The following PRRC2B variants were observed in gnomAD, a reference collection of about 807,000 sequenced individuals.
PRRC2B encodes the protein proline rich coiled-coil 2B.
In PRRC2B, 68 loss-of-function variants were observed where a neutral mutation model predicts 242.3. The ratio of observed to expected loss-of-function variants is 0.28; its 90% CI spans 0.23 to 0.34. The LOEUF (loss-of-function observed/expected upper bound fraction) is 0.34. Ranked by LOEUF, PRRC2B falls within the 10% of genes least tolerant of loss-of-function variation. The pLI, the probability that PRRC2B is intolerant of heterozygous loss-of-function variation, is 1.00. For missense variants in PRRC2B, 2,835 were observed against 2,954.8 expected (o/e 0.96, Z 0.94); for synonymous variants, 1,228 against 1,173.6 (o/e 1.05, Z -0.95).
chr9:131,416,413 A>G (rs947047772), intron 1 of PRRC2B, among the ~76,000 whole-genome samples: 2 of 151,738 alleles, frequency 1.3e-5, no homozygotes, highest in African/African-American at 2.4e-5. Flanking sequence ...GGCCTCTTCT[A>G]CCTCTTCTAA....
rs1026452180 is a variant in PRRC2B, at chr9:131,476,236, C to T, written c.4107C>T (p.His1369=). Residue 1369 remains histidine, a synonymous_variant, in exon 16 of 32, where the codon CAC becomes CAT. Coordinates refer to ENST00000683519, the MANE Select transcript of PRRC2B (RefSeq NM_013318.4). ...PELSYQNSSD[H]ANEEWETASE... ...TCTCCTACCAGAACTCCTCCGATCA[C>T]GCCAATGAGGAGTGGGAGACGGCCT... 9.3e-6 allele frequency: 15 copies of T among 1,612,848 alleles called. No homozygotes were observed. The highest frequency in any genetic ancestry group is 4.0e-5 in the African/African-American group (3 of 74,916).
chr9:131,481,926 G>A, intron 20 of PRRC2B, 118 bp downstream of exon 20: 1 of 927,630 alleles, frequency 1.1e-6, no homozygotes, highest in Non-Finnish European at 1.7e-6. Flanking sequence ...AGCTGAGCTT[G>A]GAATTAGGTT....
At chr9:131,431,828 C>T (rs923701532) in intron 2 of PRRC2B, among the ~76,000 whole-genome samples, 9 of 150,438 alleles carry the variant, frequency 6.0e-5, no homozygotes, top group South Asian at 2.1e-4. Context: ...CCTCGTGATC[C>T]GCCCGCCTCG....
At chr9:131,411,363 T>G (rs1343043310) in intron 1 of PRRC2B, among the ~76,000 whole-genome samples, 2 of 151,364 alleles carry the variant, frequency 1.3e-5, no homozygotes, top group Non-Finnish European at 1.5e-5. Context: ...GTTTTTTTTT[T>G]TGAGACGGAG....
chr9:131,422,038 C>CT (rs1245250252), intron 1 of PRRC2B, among the ~76,000 whole-genome samples: 1 of 152,164 alleles, frequency 6.6e-6, no homozygotes, highest in East Asian at 1.9e-4. Flanking sequence ...CTTTTCTTTT[C>CT]TTTCTTTCTT....
chr9:131,411,883 G>A (rs1305567821), intron 1 of PRRC2B, among the ~76,000 whole-genome samples: 1 of 151,996 alleles, frequency 6.6e-6, no homozygotes, highest in African/African-American at 2.4e-5. Flanking sequence ...GCACAGTCAC[G>A]GCTTACTGCA....
rs541196513 is a variant in PRRC2B, at chr9:131,486,321, G to A, written c.5856+139G>A. On this transcript the variant is annotated intron_variant, in intron 26 of 31. Transcript: ENST00000683519. ...ACATGTGGTGACCAGCACCTGGCCC[G>A]CCACGGCAGCCAGGAGGCATTTGTT... The A allele has an allele frequency of 3.1e-5, 26 of 831,726 alleles. No homozygotes were observed. The Admixed American group carries it at 4.5e-4, about 14-fold the overall frequency. The allele number at this position is 831,726 out of a possible 1,614,324, so 51.5% of individuals were successfully genotyped here.
chr9:131,445,489 T>C (rs1838769566), intron 6 of PRRC2B, among the ~76,000 whole-genome samples: 1 of 152,246 alleles, frequency 6.6e-6, no homozygotes, highest in African/African-American at 2.4e-5. Flanking sequence ...ACACGAATTA[T>C]GTCTTTCTGG....
chr9:131,404,062 T>A (rs1837296259), intron 1 of PRRC2B, among the ~76,000 whole-genome samples: 1 of 152,104 alleles, frequency 6.6e-6, no homozygotes, highest in Non-Finnish European at 1.5e-5. Context: ...ATTACAGGTG[T>A]AAGCCACCAC....
In PRRC2B at chr9:131,476,407, C is replaced by T. The variant is rs755704113; in HGVS notation, c.4278C>T (p.Pro1426=). Residue 1426 remains proline (P), a synonymous_variant, in exon 16 of 32, where the codon CCC becomes CCT. Coordinates refer to ENST00000683519, the MANE Select transcript of PRRC2B (RefSeq NM_013318.4). Reference sequence around the variant, plus strand: ...AGAGGAGCTTCTCCAGTCAGAGACCCGTGGTTGACAGACAGAGCCGAAAGC... The same window carrying T: ...AGAGGAGCTTCTCCAGTCAGAGACCTGTGGTTGACAGACAGAGCCGAAAGC... ...LAKRSFSSQR[P]VVDRQSRKLE... is the part of the protein sequence containing the mutation. The T allele has an allele frequency of 1.2e-5, 20 of 1,609,006 alleles. No individual in the cohort carries two copies. Among genetic ancestry groups the T allele is most frequent in the Non-Finnish European group, 1.5e-5 (18 of 1,177,744 alleles).
chr9:131,426,462 G>T (rs1271733508), intron 1 of PRRC2B, among the ~76,000 whole-genome samples: 1 of 152,044 alleles, frequency 6.6e-6, no homozygotes, highest in East Asian at 1.9e-4. Flanking sequence ...CCCTCAAGAG[G>T]CTTGCAATCT....
At chr9:131,449,126 T>A (rs1033512235) in intron 9 of PRRC2B, among the ~76,000 whole-genome samples, 1 of 152,246 alleles carries the variant, frequency 6.6e-6, no homozygotes, top group Non-Finnish European at 1.5e-5. Context: ...GTTGCTGAGA[T>A]ATGTTCCAGT....
At position 131,498,294 on chromosome 9, in the gene PRRC2B, T is replaced by C. The variant is rs1490457848; in HGVS notation, c.*2420T>C. On this transcript the variant is annotated 3_prime_UTR_variant, in exon 32 of 32. Transcript: ENST00000683519. ...GGTGAAAAAAAAAGAAGTAAATGTT[T>C]CACTGCTCTATTTATATATAATGTC... The C allele has an allele frequency of 3.3e-5, 5 of 152,234 alleles. No individual in the cohort carries two copies. The highest frequency in any genetic ancestry group is 3.3e-4 in the Admixed American group (5 of 15,288). The allele number at this position is 152,234 out of a possible 1,614,324, so 9.4% of individuals were successfully genotyped here.
chr9:131,385,925 C>A (rs1489445128), intron 1 of PRRC2B, among the ~76,000 whole-genome samples: 2 of 150,392 alleles, frequency 1.3e-5, no homozygotes, highest in Non-Finnish European at 3.0e-5. Flanking sequence ...AATCTCCTGA[C>A]CTCGTGATCC....
intron 5 of PRRC2B, among the ~76,000 whole-genome samples, chr9:131,442,264 A>T (rs532780656): frequency 1.6e-4 from 25 of 151,962 alleles, no homozygotes; most frequent in African/African-American, 6.0e-4. Context: ...TCCCAAGTAG[A>T]TGGGACTACA....
chr9:131,398,822 GA>G (rs904423793), intron 1 of PRRC2B, among the ~76,000 whole-genome samples: 6 of 152,060 alleles, frequency 3.9e-5, no homozygotes, highest in African/African-American at 1.4e-4. Flanking sequence ...CCTCTTAAAA[GA>G]AAAAATTAGT....
intron 1 of PRRC2B, among the ~76,000 whole-genome samples, chr9:131,418,085 G>A (rs1261012378): frequency 6.6e-6 from 1 of 152,222 alleles, no homozygotes; most frequent in African/African-American, 2.4e-5. Context: ...CCCGGAGGCA[G>A]AGAGTTCAGC....
At chr9:131,404,597 A>AG (rs1277062856) in intron 1 of PRRC2B, among the ~76,000 whole-genome samples, 1 of 151,238 alleles carries the variant, frequency 6.6e-6, no homozygotes, top group Non-Finnish European at 1.5e-5. Context: ...TCTCTGAAAA[A>AG]AAAACCAGTG....
chr9:131,418,649 A>G (rs1316929907), intron 1 of PRRC2B, among the ~76,000 whole-genome samples: 1 of 152,164 alleles, frequency 6.6e-6, no homozygotes, highest in East Asian at 1.9e-4. Flanking sequence ...TTTGGGTGTA[A>G]ACAATGGCAC....
Sources: gnomAD v4.1 joint callset for allele counts (sites outside exome capture counted in the v4.1 genomes callset) on GRCh38, gnomAD v4.1.1 for gene constraint, MANE v1.5 for transcripts, NCBI Gene and HGNC (gene_info 2026-07-23, HGNC 2026-07-21) for gene names.